Variants in ASB4 observed in about 807,000 individuals in gnomAD.
The protein encoded by ASB4 is ankyrin repeat and SOCS box protein 4.
Under a neutral mutation model 38.6 loss-of-function variants are expected in ASB4, and 35 were observed. The observed-to-expected ratio is 0.91, with a 90% CI of 0.69 to 1.20. The LOEUF is 1.20. Ranked by LOEUF, ASB4 falls within the 50% of genes most tolerant of loss-of-function variation. The probability of loss-of-function intolerance (pLI) is 0.00; values close to 1 mark genes in which losing one functional copy is unlikely to be tolerated. For missense variants in ASB4, 557 were observed against 527.2 expected, an observed-to-expected ratio of 1.06 and a Z score of -0.55; for synonymous variants, 195 against 201.3, an observed-to-expected ratio of 0.97 and a Z score of 0.26.
At chr7:95,500,241 G>A (rs937814531) in intron 2 of ASB4, among the ~76,000 whole-genome samples, 3 of 152,012 alleles carry the variant, frequency 2.0e-5, no homozygotes, top group African/African-American at 7.2e-5. Context: ...AAACTTACTA[G>A]AGAAATGTAG....
At chr7:95,532,365 CT>C (rs1790830376) in intron 3 of ASB4, among the ~76,000 whole-genome samples, 1 of 152,130 alleles carries the variant, frequency 6.6e-6, no homozygotes, top group African/African-American at 2.4e-5. Flanking sequence ...ATTATAGGGT[CT>C]GCAATTGCTT....
At chr7:95,527,578 T>C (rs576337906) in intron 2 of ASB4, among the ~76,000 whole-genome samples, 49 of 152,284 alleles carry the variant, frequency 3.2e-4, no homozygotes, top group South Asian at 6.2e-4. Flanking sequence ...AAATCCTTCC[T>C]TCTCCTCCCC....
intron 2 of ASB4, among the ~76,000 whole-genome samples, chr7:95,503,486 A>G (rs1382509558): frequency 2.0e-5 from 3 of 152,188 alleles, no homozygotes; most frequent in African/African-American, 4.8e-5. Flanking sequence ...GAGTGCATGG[A>G]TGGGGACCCA....
chr7:95,515,313 C>T (rs1431627359), intron 2 of ASB4, among the ~76,000 whole-genome samples: 1 of 110,020 alleles, frequency 9.1e-6, no homozygotes, highest in African/African-American at 3.6e-5. Flanking sequence ...TTCTTTCTTT[C>T]TTTCTTCCTT....
chr7:95,526,154 T>A lies in ASB4; in HGVS notation c.488-1659T>A, dbSNP rs112450020. ...AGTAATATGAGGTGGAATAGAACAG[T>A]GATAAGGAATTTCGAAGCCAGTCTG... On this transcript the variant is annotated intron_variant, in intron 2 of 4. Coordinates refer to ENST00000325885, the MANE Select transcript of ASB4 (RefSeq NM_016116.3). 5.2e-3 allele frequency among the ~76,000 whole-genome samples: 797 copies of A among 152,184 alleles called. 3 individuals carry two copies. The highest frequency in any genetic ancestry group is 0.017 in the African/African-American group (700 of 41,512).
At chr7:95,488,501 T>C (rs1180566379) in intron 1 of ASB4, among the ~76,000 whole-genome samples, 1 of 152,244 alleles carries the variant, frequency 6.6e-6, no homozygotes, top group Non-Finnish European at 1.5e-5. Context: ...TCTTAAGTCA[T>C]AAAGTCATTG....
intron 2 of ASB4, among the ~76,000 whole-genome samples, chr7:95,515,660 C>A (rs1207075772): frequency 6.6e-6 from 1 of 152,170 alleles, no homozygotes. Flanking sequence ...GTGATCCCCC[C>A]GACCTTGGCC....
the ASB4 span, among the ~76,000 whole-genome samples, chr7:95,472,807 T>A: frequency 1.3e-5 from 2 of 152,200 alleles, no homozygotes; most frequent in African/African-American, 4.8e-5. Flanking sequence ...CACAGGTCTA[T>A]GTATAACATT....
At chr7:95,498,975 G>T (rs1407165013) in intron 2 of ASB4, among the ~76,000 whole-genome samples, 1 of 151,944 alleles carries the variant, frequency 6.6e-6, no homozygotes, top group African/African-American at 2.4e-5. Context: ...GTTTATTTCT[G>T]GACTCCAGCC....
intron 1 of ASB4, among the ~76,000 whole-genome samples, chr7:95,493,149 T>C (rs1585796592): frequency 6.6e-6 from 1 of 152,296 alleles, no homozygotes; most frequent in East Asian, 1.9e-4. Flanking sequence ...AAGTAATATA[T>C]TAGAATTTAA....
intron 2 of ASB4, among the ~76,000 whole-genome samples, chr7:95,502,214 A>G (rs1322446813): frequency 1.3e-5 from 2 of 152,214 alleles, no homozygotes; most frequent in African/African-American, 2.4e-5. Flanking sequence ...GCAAATAAAT[A>G]TATGACATAA....
At chr7:95,541,482 G>C (rs1035309328), downstream of ASB4, among the ~76,000 whole-genome samples, 3 of 152,124 alleles carry the variant, frequency 2.0e-5, no homozygotes, top group Admixed American at 2.0e-4. Context: ...GGAACTGTTG[G>C]GTGAGCTTGT....
chr7:95,500,108 GT>G (rs1166893464), intron 2 of ASB4, among the ~76,000 whole-genome samples: 1 of 151,974 alleles, frequency 6.6e-6, no homozygotes, highest in Admixed American at 6.6e-5. Context: ...AGTTCGGATG[GT>G]TTTTCCCCTC....
chr7:95,511,092 A>G (rs1200062304), intron 2 of ASB4, among the ~76,000 whole-genome samples: 1 of 152,208 alleles, frequency 6.6e-6, no homozygotes, highest in African/African-American at 2.4e-5. Context: ...AACCAAGAAA[A>G]CATACAAATA....
chr7:95,490,945 A>G (rs576133135), intron 1 of ASB4, among the ~76,000 whole-genome samples: 1 of 152,378 alleles, frequency 6.6e-6, no homozygotes, highest in African/African-American at 2.4e-5. Context: ...CCTTCGGATC[A>G]TAGACGGCTA....
chr7:95,534,767 G>C (rs62467698), intron 3 of ASB4, among the ~76,000 whole-genome samples: 61,583 of 152,040 alleles, frequency 0.41, 13,147 homozygotes, highest in African/African-American at 0.54. Context: ...GTTGTAAACT[G>C]CTTAAAGACA....
At position 95,540,030 on chromosome 7, in the gene ASB4, G is replaced by A. The variant is rs1790948683; in HGVS notation, c.*2271G>A. ...TTGGGGCAAGTAAAACTGATGCTGA[G>A]GACAAAGGGAGAAGATGTTCCTCGC... is the stretch of plus-strand genomic sequence containing the variant. On this transcript the variant is annotated 3_prime_UTR_variant, in exon 5 of 5. Transcript: ENST00000325885. 1 of 152,174 alleles carries A rather than the reference G, an allele frequency of 6.6e-6. No individual in the cohort carries two copies. The highest frequency in any genetic ancestry group is 2.4e-5 in the African/African-American group (1 of 41,436). The allele number at this position is 152,174 out of a possible 1,614,324, so 9.4% of individuals were successfully genotyped here. A position where few individuals can be genotyped will look rare whatever the true frequency, so the allele number is the denominator to read the frequency against.
intron 2 of ASB4, among the ~76,000 whole-genome samples, chr7:95,496,723 C>T (rs1790254693): frequency 6.6e-6 from 1 of 152,060 alleles, no homozygotes; most frequent in Non-Finnish European, 1.5e-5. Flanking sequence ...TGGCATGCAC[C>T]TGTGGTCCCA....
At chr7:95,508,139 T>C (rs1407770554) in intron 2 of ASB4, among the ~76,000 whole-genome samples, 2 of 152,048 alleles carry the variant, frequency 1.3e-5, no homozygotes. Context: ...AGGGCAGACA[T>C]TGAAGACAAA....
Sources: gnomAD v4.1 joint callset for allele counts (sites outside exome capture counted in the v4.1 genomes callset) on GRCh38, gnomAD v4.1.1 for gene constraint, MANE v1.5 for transcripts, NCBI Gene and HGNC (gene_info 2026-07-23, HGNC 2026-07-21) for gene names.